Variants in MMEL1 observed in about 807,000 individuals in gnomAD.
MMEL1 encodes membrane metalloendopeptidase like 1, also known as membrane metallo-endopeptidase-like 1.
A neutral mutation model predicts 117.1 loss-of-function variants in MMEL1; 98 were observed. The observed-to-expected ratio is 0.84, with a 90% CI of 0.71 to 0.99. MMEL1 has a LOEUF of 0.99. Ranked by LOEUF, MMEL1 falls within the 50% of genes least tolerant of loss-of-function variation. The pLI, the probability that MMEL1 is intolerant of heterozygous loss-of-function variation, is 0.00. For missense variants in MMEL1, 1,014 were observed against 1,049.1 expected (o/e 0.97, Z 0.46); for synonymous variants, 390 against 415.1 (o/e 0.94, Z 0.74).
At chr1:2,597,339 A>C (rs1570656593) in intron 13 of MMEL1, among the ~76,000 whole-genome samples, 3 of 143,678 alleles carry the variant, frequency 2.1e-5, no homozygotes, top group Non-Finnish European at 1.5e-5. Flanking sequence ...CTACCCCCCC[A>C]TGGCAACAGG....
Position 2,606,281 on chromosome 1 carries a change from G to A in MMEL1, c.717C>T (p.Asn239=), listed in dbSNP as rs748111460. Residue 239 remains asparagine (N), a synonymous_variant, in exon 8 of 24, where the codon AAC becomes AAT. Coordinates refer to ENST00000378412, the MANE Select transcript of MMEL1 (RefSeq NM_033467.4). ...RRVLIDLFIW[N]DDQNSSRHII... Reference sequence around the variant, plus strand: ...TGTGCCGGCTGGAGTTCTGGTCGTCGTTCCAGATGAAGAGGTCGATGAGGA... The same window carrying A: ...TGTGCCGGCTGGAGTTCTGGTCGTCATTCCAGATGAAGAGGTCGATGAGGA... The A allele has an allele frequency of 1.1e-5, 17 of 1,613,116 alleles. No individual in the cohort carries two copies. The highest frequency in any genetic ancestry group is 1.3e-5 in the African/African-American group (1 of 74,936).
rs1298292805 is a variant in MMEL1, at chr1:2,595,244, G to A, written c.1584+32C>T. The A allele has an allele frequency of 1.9e-6, 3 of 1,589,772 alleles. No homozygotes were observed. The highest frequency in any genetic ancestry group is 2.7e-5 in the African/African-American group (2 of 74,464). Reference sequence around the variant, plus strand: ...ATCAGGGCCCATGTCCACGGTGTGGGGGGCAGTTTAGGGCTGGGGTTGGGG... The same window carrying A: ...ATCAGGGCCCATGTCCACGGTGTGGAGGGCAGTTTAGGGCTGGGGTTGGGG... On this transcript the variant is annotated intron_variant, in intron 16 of 23. Coordinates refer to ENST00000378412, the MANE Select transcript of MMEL1 (RefSeq NM_033467.4). This position sits in a 1 kb window ranked among gnomAD's most constrained non-coding sequence, Gnocchi z 4.8.
At chr1:2,591,534 G>A in intron 23 of MMEL1, 23 bp downstream of exon 23, 1 of 1,602,196 alleles carries the variant, frequency 6.2e-7, no homozygotes, top group Non-Finnish European at 8.6e-7. Flanking sequence ...GTGGCAAGGG[G>A]GTTGTGAGCA....
At chr1:2,593,069 G>A in intron 19 of MMEL1, 103 bp from the exon 20 acceptor site, 1 of 1,445,634 alleles carries the variant, frequency 6.9e-7, no homozygotes, top group Non-Finnish European at 9.4e-7. Flanking sequence ...CCTGCAGCCA[G>A]CCCCAGTACG....
intron 22 of MMEL1, 57 bp from the exon 23 acceptor site, chr1:2,591,690 T>TGGGGGGGGGCCCGGGTGGGGG: frequency 2.7e-6 from 1 of 376,512 alleles, no homozygotes; most frequent in Non-Finnish European, 5.2e-6. Flanking sequence ...CCAGGAGGGG[T>TGGGGGGGGGCCCGGGTGGGGG]GGGGGAGGGT....
chr1:2,597,226 G>T (rs1394825674), intron 13 of MMEL1, among the ~76,000 whole-genome samples: 2 of 152,096 alleles, frequency 1.3e-5, no homozygotes, highest in African/African-American at 2.4e-5. Context: ...CTTCTGGGCT[G>T]CAGGACTTCC....
At chr1:2,598,436 C>T in intron 12 of MMEL1, 136 bp from the exon 13 acceptor site, 3 of 1,173,628 alleles carry the variant, frequency 2.6e-6, no homozygotes, top group Non-Finnish European at 3.6e-6. Context: ...CCAGGACAAC[C>T]ACCTCCAAGA....
At chr1:2,622,987 G>C (rs1007757436) in intron 2 of MMEL1, among the ~76,000 whole-genome samples, 1 of 151,666 alleles carries the variant, frequency 6.6e-6, no homozygotes, top group Non-Finnish European at 1.5e-5. Context: ...GGCCAACATG[G>C]TGAAACCCCA....
chr1:2,598,883 G>A, intron 11 of MMEL1, 93 bp from the exon 12 acceptor site: 6 of 1,103,956 alleles, frequency 5.4e-6, no homozygotes, highest in South Asian at 1.5e-5. Context: ...GTTGAAGAAT[G>A]TTCAAGGAAT....
In MMEL1 at chr1:2,595,986, C is replaced by A; in HGVS notation, c.1500+23G>T. 4 of 1,606,748 alleles carry A rather than the reference C, an allele frequency of 2.5e-6. No individual in the cohort carries two copies. Among genetic ancestry groups the A allele is most frequent in the Non-Finnish European group, 2.6e-6 (3 of 1,173,750 alleles). ...CGTGCCCAGATCCAGTCGGGGCTGCCCTGACCTCTGCGAGCCACATACCTT... is the reference window on the plus strand; with the variant it reads ...CGTGCCCAGATCCAGTCGGGGCTGCACTGACCTCTGCGAGCCACATACCTT... On this transcript the variant is annotated intron_variant, in intron 15 of 23. Coordinates refer to ENST00000378412, the MANE Select transcript of MMEL1 (RefSeq NM_033467.4). This position sits in a 1 kb window ranked among gnomAD's most constrained non-coding sequence, Gnocchi z 4.8.
Position 2,603,978 on chromosome 1 carries a change from G to A in MMEL1, c.952-5C>T. On this transcript the variant is annotated splice_region_variant and splice_polypyrimidine_tract_variant and intron_variant, in intron 10 of 23. Coordinates refer to ENST00000378412, the MANE Select transcript of MMEL1 (RefSeq NM_033467.4). ...CTCCTCCTGGGGTACCGTGGCCTGT[G>A]CCGGGGATAGCAGTCACACGGGCGG... 6.2e-7 allele frequency: 1 copy of A among 1,613,618 alleles called. No individual in the cohort carries two copies. Among genetic ancestry groups the A allele is most frequent in the Non-Finnish European group, 8.5e-7 (1 of 1,179,934 alleles).
Position 2,611,304 on chromosome 1 carries a change from G to A in MMEL1, c.269C>T (p.Thr90Ile). Residue 90 changes from threonine to isoleucine, a missense_variant, in exon 4 of 24, where the codon ACC (threonine) becomes ATC (isoleucine). Coordinates refer to ENST00000378412, the MANE Select transcript of MMEL1 (RefSeq NM_033467.4). ...PEAQEVSEVCTTPGCVIAAAR... is the reference protein window; with the variant it reads ...PEAQEVSEVCITPGCVIAAAR... ...ACCTGCTATCACGCAGCCAGGGGTGGTGCAGACCTCGCTCACCTCTTGGGC... is the reference window on the plus strand; with the variant it reads ...ACCTGCTATCACGCAGCCAGGGGTGATGCAGACCTCGCTCACCTCTTGGGC... The A allele has an allele frequency of 6.4e-7, 1 of 1,574,608 alleles. No homozygotes were observed. Among genetic ancestry groups the A allele is most frequent in the African/African-American group, 1.4e-5 (1 of 73,170 alleles).
At chr1:2,628,934 G>A (rs1205417469) in intron 2 of MMEL1, among the ~76,000 whole-genome samples, 1 of 149,816 alleles carries the variant, frequency 6.7e-6, no homozygotes, top group Admixed American at 6.6e-5. Context: ...GGACACGGAC[G>A]CCGGTGGTCC....
chr1:2,624,473 C>T (rs1645338592), intron 2 of MMEL1, among the ~76,000 whole-genome samples: 2 of 152,232 alleles, frequency 1.3e-5, no homozygotes, highest in Non-Finnish European at 2.9e-5. Flanking sequence ...TATTAGGAAA[C>T]CGTCCTGCAT....
intron 14 of MMEL1, 33 bp from the exon 15 acceptor site, chr1:2,596,140 C>T: frequency 6.3e-7 from 1 of 1,583,340 alleles, no homozygotes; most frequent in Non-Finnish European, 8.7e-7. Context: ...GTGTCCCAGA[C>T]TCATCTGGAG....
rs983699697 is a variant in MMEL1 at position 2,612,414 on chromosome 1, G to C, written c.155-210C>G. The stretch of plus-strand genomic sequence containing the variant: ...CTTCAATCTGTGTCCTGCTGGGCTT[G>C]AATGGGGGGCGGTTTGCCCTGCCTT... On this transcript the variant is annotated intron_variant, in intron 2 of 23. Coordinates refer to ENST00000378412, the MANE Select transcript of MMEL1 (RefSeq NM_033467.4). The surrounding 1 kb of genome is among the most constrained non-coding windows in gnomAD (Gnocchi z 5.4). 1.2e-4 allele frequency among the ~76,000 whole-genome samples: 19 copies of C among 152,126 alleles called. No homozygotes were observed. Among genetic ancestry groups the C allele is most frequent in the Admixed American group, 4.6e-4 (7 of 15,286 alleles).
intron 1 of MMEL1, among the ~76,000 whole-genome samples, chr1:2,631,421 C>T (rs1271004185): frequency 4.6e-5 from 7 of 152,018 alleles, no homozygotes; most frequent in Admixed American, 1.3e-4. Flanking sequence ...TGGACTTTGC[C>T]TGAGTTCTGT....
At position 2,591,584 on chromosome 1, in the gene MMEL1, G is replaced by A. The variant is rs747193722; in HGVS notation, c.2213C>T (p.Thr738Ile). Residue 738 changes from threonine to isoleucine, a missense_variant, in exon 23 of 24, where the codon ACA (threonine) becomes ATA (isoleucine). Transcript: ENST00000378412. ...GTACTTCAGGGGACTGTGGACGTCT[G>A]TCTTGATGGATTGGATGGCGAACTC... ...RPEFAIQSIKTDVHSPLKYRV... is the reference protein window; with the variant it reads ...RPEFAIQSIKIDVHSPLKYRV... 6.2e-7 allele frequency: 1 copy of A among 1,613,078 alleles called. No individual in the cohort carries two copies. Among genetic ancestry groups the A allele is most frequent in the Non-Finnish European group, 8.5e-7 (1 of 1,179,666 alleles).
chr1:2,611,941 G>A (rs1027016246), intron 3 of MMEL1, among the ~76,000 whole-genome samples, 186 bp downstream of exon 3: 7 of 152,184 alleles, frequency 4.6e-5, no homozygotes, highest in African/African-American at 1.7e-4. Context: ...ACAGTGCCCA[G>A]TAAGCCTCCT....
Sources: allele counts gnomAD v4.1 joint callset (sites outside exome capture counted in the v4.1 genomes callset), GRCh38; gene constraint gnomAD v4.1.1; non-coding constraint Gnocchi (gnomAD v3.1); transcripts MANE v1.5; gene names NCBI Gene and HGNC (gene_info 2026-07-23, HGNC 2026-07-21).